Variants in FARP1 observed in about 807,000 individuals in gnomAD.
FARP1 encodes FERM, ARH/RhoGEF and pleckstrin domain protein 1, also known as FERM, ARHGEF and pleckstrin domain-containing protein 1.
In FARP1, 52 loss-of-function variants were observed where a neutral mutation model predicts 128.8. The observed-to-expected ratio is 0.40, with a 90% confidence interval of 0.32 to 0.51. The LOEUF is 0.51. Ranked by LOEUF, FARP1 falls within the 20% of genes least tolerant of loss-of-function variation. FARP1 has a pLI of 0.45. For missense variants in FARP1, 1,333 were observed against 1,367.9 expected, an observed-to-expected ratio of 0.97 and a Z score of 0.40; for synonymous variants, 580 against 551.8, an observed-to-expected ratio of 1.05 and a Z score of -0.72.
Position 98,388,493 on chromosome 13 carries a change from C to A in FARP1, c.855+15C>A, listed in dbSNP as rs200651507. 1.9e-6 allele frequency: 3 copies of A among 1,596,416 alleles called. No individual in the cohort carries two copies. Among genetic ancestry groups the A allele is most frequent in the Non-Finnish European group, 8.6e-7 (1 of 1,163,950 alleles). ...CAGATGCCAATGTAAGTGGTCCTGG[C>A]GGGAAAGGGGACCCGTTGAGCCATG... On this transcript the variant is annotated intron_variant, in intron 9 of 26. Transcript: ENST00000319562.
At chr13:98,280,794 G>T (rs73558534) in intron 2 of FARP1, among the ~76,000 whole-genome samples, 1 of 152,220 alleles carries the variant, frequency 6.6e-6, no homozygotes, top group African/African-American at 2.4e-5. Context: ...ACAAAAGCAC[G>T]ATCGTATTCT....
chr13:98,422,148 C>T, intron 16 of FARP1, among the ~76,000 whole-genome samples: 1 of 152,168 alleles, frequency 6.6e-6, no homozygotes, highest in East Asian at 1.9e-4. Flanking sequence ...AAGGAGGTGG[C>T]CACGAGAATT....
chr13:98,183,364 C>A (rs1878655419), intron 1 of FARP1, among the ~76,000 whole-genome samples: 1 of 152,082 alleles, frequency 6.6e-6, no homozygotes. Context: ...TTTGGAACTT[C>A]ATATCTAGTC....
chr13:98,385,761 G>C lies in FARP1; in HGVS notation c.706G>C (p.Glu236Gln), dbSNP rs776803922. ...GIRLHPAKDR[E>Q]GTKINLAVAN... ...CCGGTTGCACCCGGCCAAGGACAGG[G>C]AAGGCACGAAGATCAATCTGGCCGT... The change falls in exon 8 of 27, where the codon GAA becomes CAA. Residue 236 changes from glutamate to glutamine, a missense_variant. Around this residue, in one of 2 missense-constraint regions of FARP1, gnomAD observed 324 missense variants for 398.1 expected, o/e 0.81. Transcript: ENST00000319562. The C allele has an allele frequency of 1.2e-5, 19 of 1,614,204 alleles. No individual in the cohort carries two copies. Among genetic ancestry groups the C allele is most frequent in the Non-Finnish European group, 1.6e-5 (19 of 1,180,048 alleles).
intron 1 of FARP1, among the ~76,000 whole-genome samples, chr13:98,184,109 C>G (rs1052141577): frequency 6.6e-6 from 1 of 152,068 alleles, no homozygotes; most frequent in African/African-American, 2.4e-5. Flanking sequence ...AGCCAGCAAG[C>G]ATTGTTTTTT....
intron 2 of FARP1, among the ~76,000 whole-genome samples, chr13:98,320,544 T>C (rs1387647321): frequency 6.6e-6 from 1 of 152,332 alleles, no homozygotes; most frequent in East Asian, 1.9e-4. Context: ...CTCATGGAGA[T>C]ACTAAGGTGG....
At chr13:98,374,411 C>G (rs1323117543) in intron 5 of FARP1, among the ~76,000 whole-genome samples, 2 of 152,104 alleles carry the variant, frequency 1.3e-5, no homozygotes, top group Non-Finnish European at 2.9e-5. Context: ...GAAAACAGAG[C>G]AAGACTCTGT....
intron 2 of FARP1, among the ~76,000 whole-genome samples, chr13:98,295,934 T>A (rs1220132445): frequency 6.6e-6 from 1 of 152,126 alleles, no homozygotes; most frequent in African/African-American, 2.4e-5. Context: ...GTTTAAAATA[T>A]AAGAAAGAGC....
At chr13:98,424,975 A>G (rs1024282298) in intron 17 of FARP1, among the ~76,000 whole-genome samples, 4 of 151,760 alleles carry the variant, frequency 2.6e-5, no homozygotes, top group African/African-American at 4.8e-5. Flanking sequence ...TCTTCTTCCA[A>G]TGTGGTCCAC....
intron 16 of FARP1, among the ~76,000 whole-genome samples, chr13:98,417,328 C>T (rs1215135210): frequency 3.3e-5 from 5 of 151,620 alleles, no homozygotes; most frequent in East Asian, 1.9e-4. Context: ...AGGAAGAGAA[C>T]ATTAAGAGGA....
intron 2 of FARP1, among the ~76,000 whole-genome samples, chr13:98,318,920 G>A (rs2772351): frequency 0.96 from 142,675 of 149,022 alleles, 68,347 homozygotes; most frequent in East Asian, 1. Flanking sequence ...ATATGTACCT[G>A]TTGCTTCCTT....
At chr13:98,438,133 C>T (rs1188196314) in intron 19 of FARP1, among the ~76,000 whole-genome samples, 2 of 151,992 alleles carry the variant, frequency 1.3e-5, no homozygotes, top group Non-Finnish European at 2.9e-5. Context: ...GTGCTTGTGC[C>T]CCTGCGATCC....
Position 98,417,460 on chromosome 13 carries a change from A to AGG in FARP1, c.1826+5426_1826+5427insGG, listed in dbSNP as rs1566305169. On this transcript the variant is annotated intron_variant, in intron 16 of 26. Transcript: ENST00000319562. ...ACAGAGGCCACCAGAGGTTTGAAAA[A>AGG]AAAAAAAAAAAAAAAAAAAAAAAAG... 2.2e-4 allele frequency among the ~76,000 whole-genome samples: 23 copies of AGG among 102,886 alleles called. 1 individual carries two copies. The highest frequency in any genetic ancestry group is 9.0e-4 in the African/African-American group (23 of 25,500). 67.5% of individuals were successfully genotyped at this position (102,886 alleles called of 152,430 possible).
intron 24 of FARP1, among the ~76,000 whole-genome samples, chr13:98,442,970 G>A (rs1251986115): frequency 6.6e-6 from 1 of 152,212 alleles, no homozygotes; most frequent in African/African-American, 2.4e-5. Context: ...CCCAAGTGGG[G>A]TCCAGGTGGC....
At chr13:98,349,385 C>A (rs2139899190) in intron 3 of FARP1, among the ~76,000 whole-genome samples, 1 of 152,180 alleles carries the variant, frequency 6.6e-6, no homozygotes, top group African/African-American at 2.4e-5. Flanking sequence ...ATTAAAATGA[C>A]ATTGTGGCTG....
rs1457104082 is a variant in FARP1, at chr13:98,176,406, C to G, written c.-24+32914C>G. 1.9e-6 allele frequency: 3 copies of G among 1,614,222 alleles called. No individual in the cohort carries two copies. In the Admixed American group the frequency reaches 5.0e-5, roughly 27 times the overall value. ...CCCGGAAGTGCTCCAGCGCGCAGCT[C>G]TCGCAGAAATAATGCCTGCACTTGG... On this transcript the variant is annotated intron_variant, in intron 1 of 26. Transcript: ENST00000319562. This position sits in a 1 kb window ranked among gnomAD's most constrained non-coding sequence, Gnocchi z 6.2.
At chr13:98,175,531 AAATT>A (rs1444601698) in intron 1 of FARP1, among the ~76,000 whole-genome samples, 2 of 151,482 alleles carry the variant, frequency 1.3e-5, no homozygotes, top group African/African-American at 4.9e-5. Context: ...TTGAAAAAAA[AAATT>A]AATTATAGTA....
At chr13:98,146,515 A>C (rs1875577057) in intron 1 of FARP1, among the ~76,000 whole-genome samples, 2 of 152,240 alleles carry the variant, frequency 1.3e-5, no homozygotes. Context: ...GGCGTGAGTC[A>C]CAGAGCCTGG....
intron 2 of FARP1, among the ~76,000 whole-genome samples, chr13:98,222,093 TC>T (rs1351862190): frequency 6.6e-6 from 1 of 152,218 alleles, no homozygotes; most frequent in Non-Finnish European, 1.5e-5. Flanking sequence ...AGAGCAGTTC[TC>T]AAAGCTGTTA....
Sources: gnomAD v4.1 joint callset for allele counts (sites outside exome capture counted in the v4.1 genomes callset) on GRCh38, gnomAD v4.1.1 for gene constraint, gnomAD v4.1.1 regional missense constraint, Gnocchi (gnomAD v3.1) non-coding constraint, MANE v1.5 for transcripts, NCBI Gene and HGNC (gene_info 2026-07-23, HGNC 2026-07-21) for gene names.